Variants in DZIP3 observed in about 807,000 individuals in gnomAD.
The protein encoded by DZIP3 is E3 ubiquitin-protein ligase DZIP3.
A neutral mutation model predicts 162.0 loss-of-function variants in DZIP3; 118 were observed. The ratio of observed to expected loss-of-function variants is 0.73; its 90% CI spans 0.63 to 0.85. DZIP3 has a LOEUF of 0.85. DZIP3 is among the 40% of genes least tolerant of loss of function. The probability of loss-of-function intolerance (pLI) is 0.00; values close to 1 mark genes in which losing one functional copy is unlikely to be tolerated. For missense variants in DZIP3, 1,331 were observed against 1,407.0 expected (o/e 0.95, Z 0.86); for synonymous variants, 438 against 458.6 (o/e 0.96, Z 0.57).
At chr3:108,624,313 G>T in intron 5 of DZIP3, 131 bp from the exon 6 acceptor site, 1 of 574,970 alleles carries the variant, frequency 1.7e-6, no homozygotes. Flanking sequence ...ATTATTAGAT[G>T]ACTGATAATG....
At chr3:108,637,264 G>A (rs914284464) in intron 11 of DZIP3, among the ~76,000 whole-genome samples, 1 of 151,772 alleles carries the variant, frequency 6.6e-6, no homozygotes, top group East Asian at 1.9e-4. Flanking sequence ...TTCAGATTTG[G>A]CATTTAAATC....
At chr3:108,654,859 A>T (rs555477708) in intron 19 of DZIP3, among the ~76,000 whole-genome samples, 3 of 152,274 alleles carry the variant, frequency 2.0e-5, no homozygotes, top group South Asian at 2.1e-4. Context: ...ATAATTTTTT[A>T]AAAAACTATT....
intron 24 of DZIP3, 76 bp from the exon 25 acceptor site, chr3:108,675,710 G>A: frequency 1.5e-6 from 2 of 1,294,082 alleles, no homozygotes; most frequent in Non-Finnish European, 2.1e-6. Flanking sequence ...ATGCTAGAAA[G>A]CGTGATAGAC....
intron 1 of DZIP3, among the ~76,000 whole-genome samples, chr3:108,595,457 A>G (rs971583064): frequency 7.9e-5 from 12 of 152,170 alleles, no homozygotes; most frequent in Middle Eastern, 3.4e-3. Flanking sequence ...GCCTCAAGCA[A>G]TCCTGCCTCA....
intron 19 of DZIP3, among the ~76,000 whole-genome samples, chr3:108,658,652 G>T (rs1360703111): frequency 3.3e-4 from 50 of 152,302 alleles, no homozygotes; most frequent in Non-Finnish European, 7.3e-5. Flanking sequence ...GAGCAGAACT[G>T]AAGGGGATAG....
chr3:108,659,639 GC>G (rs1328331089), intron 19 of DZIP3, among the ~76,000 whole-genome samples: 1 of 151,980 alleles, frequency 6.6e-6, no homozygotes, highest in East Asian at 1.9e-4. Flanking sequence ...TCTGGCCAGG[GC>G]AATCAGGCAG....
Position 108,690,888 on chromosome 3 carries a change from C to T in DZIP3, c.3618C>T (p.Pro1206=), listed in dbSNP as rs371333307. The change falls in exon 32 of 33, where the codon CCC becomes CCT. Residue 1206 remains proline, a synonymous_variant. Transcript: ENST00000361582. ...CTGGTCACCCCAGCCGGCAGTTGCC[C>T]AAGATCTGATACAAGGTCGGGGTGT... ...EFPGHPSRQL[P]KI is the part of the protein sequence containing the mutation. 5 of 1,614,094 alleles carry T rather than the reference C, an allele frequency of 3.1e-6. No homozygotes were observed. The African/African-American group carries it at 5.3e-5, about 17-fold the overall frequency.
intron 1 of DZIP3, among the ~76,000 whole-genome samples, chr3:108,602,238 A>G (rs572477651): frequency 6.6e-6 from 1 of 152,340 alleles, no homozygotes; most frequent in South Asian, 2.1e-4. Flanking sequence ...ACGTGAATAA[A>G]CACAGCTTTA....
intron 1 of DZIP3, 40 bp from the exon 2 acceptor site, chr3:108,605,295 T>A: frequency 7.1e-7 from 1 of 1,404,650 alleles, no homozygotes; most frequent in South Asian, 1.2e-5. Context: ...AGAAAGAGTG[T>A]AACTTTCCTA....
At chr3:108,629,199 C>A in intron 8 of DZIP3, 23 bp downstream of exon 8, 1 of 1,439,792 alleles carries the variant, frequency 6.9e-7, no homozygotes, top group Non-Finnish European at 9.5e-7. Context: ...TTAAGAGTAA[C>A]ATTTTATTTG....
chr3:108,599,314 C>T (rs1314275287), intron 1 of DZIP3, among the ~76,000 whole-genome samples: 1 of 152,128 alleles, frequency 6.6e-6, no homozygotes, highest in Non-Finnish European at 1.5e-5. Flanking sequence ...AATAAGCAAA[C>T]TGTATGTTCT....
chr3:108,629,102 GA>G lies in DZIP3; in HGVS notation c.625del (p.Ile209LeufsTer11). On this transcript the variant is annotated frameshift_variant, in exon 8 of 33. Transcript: ENST00000361582. LOFTEE classifies it high-confidence loss of function. ...GCTAGAATTTCATAAAAGCTTACAA[GA>G]AATTGGAGACAAAAATGACCATTGG... ...GLLEFHKSLQEIGDKNDHWFD... is the reference protein window; with the variant it reads ...GLLEFHKSLQXIGDKNDHWFD... 10 of 1,603,274 alleles carry G rather than the reference GA, an allele frequency of 6.2e-6. No homozygotes were observed. The highest frequency in any genetic ancestry group is 8.5e-6 in the Non-Finnish European group (10 of 1,176,506).
chr3:108,667,481 A>G (rs1478092087), intron 21 of DZIP3, among the ~76,000 whole-genome samples: 1 of 152,164 alleles, frequency 6.6e-6, no homozygotes, highest in Non-Finnish European at 1.5e-5. Context: ...CAAGGTTATA[A>G]GAAGGGGATG....
chr3:108,591,382 G>T (rs1054633589), intron 1 of DZIP3, among the ~76,000 whole-genome samples: 1 of 152,238 alleles, frequency 6.6e-6, no homozygotes, highest in African/African-American at 2.4e-5. Context: ...AGTGATCAGA[G>T]TTTGATAGTG....
chr3:108,680,139 A>G (rs748910218), intron 26 of DZIP3, among the ~76,000 whole-genome samples: 3 of 152,122 alleles, frequency 2.0e-5, no homozygotes, highest in Non-Finnish European at 4.4e-5. Flanking sequence ...TAGGAGGTAC[A>G]TACCTCAACA....
At chr3:108,632,016 C>T (rs1941912657) in intron 8 of DZIP3, among the ~76,000 whole-genome samples, 1 of 151,974 alleles carries the variant, frequency 6.6e-6, no homozygotes, top group Non-Finnish European at 1.5e-5. Context: ...ATTTTCTCAA[C>T]TTTGTCCTCC....
intron 4 of DZIP3, among the ~76,000 whole-genome samples, chr3:108,616,249 GC>G (rs1345810487): frequency 1.3e-5 from 2 of 150,292 alleles, no homozygotes; most frequent in Non-Finnish European, 2.9e-5. Context: ...GGGCGACAGA[GC>G]GAGACTCCAT....
chr3:108,690,531 A>AT (rs1944652955), intron 31 of DZIP3, among the ~76,000 whole-genome samples: 1 of 152,232 alleles, frequency 6.6e-6, no homozygotes, highest in Non-Finnish European at 1.5e-5. Context: ...ATTGCTAGTC[A>AT]TCTTGAAAAT....
At chr3:108,629,795 C>T (rs1299003048) in intron 8 of DZIP3, among the ~76,000 whole-genome samples, 4 of 150,098 alleles carry the variant, frequency 2.7e-5, no homozygotes, top group Non-Finnish European at 5.9e-5. Flanking sequence ...TGGCATAATG[C>T]GATTTGGCAT....
Sources: gnomAD v4.1 joint callset for allele counts (sites outside exome capture counted in the v4.1 genomes callset) on GRCh38, gnomAD v4.1.1 for gene constraint, MANE v1.5 for transcripts, NCBI Gene and HGNC (gene_info 2026-07-23, HGNC 2026-07-21) for gene names.